The following DLG2 variants were observed in gnomAD, a reference collection of about 807,000 sequenced individuals.
The protein encoded by DLG2 is disks large homolog 2.
In DLG2, 45 loss-of-function variants were observed where a neutral mutation model predicts 132.5. The ratio of observed to expected loss-of-function variants is 0.34; its 90% confidence interval spans 0.27 to 0.44. The LOEUF (loss-of-function observed/expected upper bound fraction) is 0.44, where lower values mean the gene tolerates loss of function less well. Among genes scored for constraint, DLG2 ranks in the 20% least tolerant of loss-of-function variants. The pLI is 1.00. For missense variants in DLG2, 1,045 were observed against 1,196.9 expected (o/e 0.87, Z 1.87); for synonymous variants, 424 against 419.6 (o/e 1.01, Z -0.13).
intron 6 of DLG2, among the ~76,000 whole-genome samples, chr11:84,806,152 A>T (rs116066237): frequency 6.6e-6 from 1 of 152,188 alleles, no homozygotes; most frequent in African/African-American, 2.4e-5. Flanking sequence ...ATATTGACCT[A>T]AAAAATCACA....
At chr11:83,549,750 G>A (rs1485205001) in intron 19 of DLG2, among the ~76,000 whole-genome samples, 6 of 152,208 alleles carry the variant, frequency 3.9e-5, no homozygotes, top group East Asian at 3.9e-4. Context: ...TCGTCCACTC[G>A]TGCATTTAGT....
At chr11:85,167,574 A>G (rs551535338) in intron 4 of DLG2, among the ~76,000 whole-genome samples, 130 of 152,260 alleles carry the variant, frequency 8.5e-4, no homozygotes, top group African/African-American at 3.1e-3. Flanking sequence ...GACACAAAGA[A>G]GACAAGAAGA....
chr11:84,308,358 C>T (rs576028498), intron 7 of DLG2, among the ~76,000 whole-genome samples: 2 of 152,300 alleles, frequency 1.3e-5, no homozygotes, highest in African/African-American at 4.8e-5. Context: ...CTGAGCTAGA[C>T]ACAGGGTGCT....
intron 11 of DLG2, among the ~76,000 whole-genome samples, chr11:84,001,742 T>C (rs2094357454): frequency 6.6e-6 from 1 of 152,150 alleles, no homozygotes; most frequent in Non-Finnish European, 1.5e-5. Context: ...ATTGAGTATA[T>C]TCTCAGATCA....
In DLG2 at chr11:85,424,608, T is replaced by C. The variant is rs555558403; in HGVS notation, c.41-139243A>G. Among the ~76,000 whole-genome samples, 3 of 152,300 alleles carry C rather than the reference T, an allele frequency of 2.0e-5. No homozygotes were observed. In the South Asian group the frequency reaches 6.2e-4, roughly 32 times the overall value. Reference sequence around the variant, plus strand: ...GCTGAAAGTATCCAACTGAAGTAGATCCCAGGGGTTAGGCATTACTATTCT... The same window carrying C: ...GCTGAAAGTATCCAACTGAAGTAGACCCCAGGGGTTAGGCATTACTATTCT... On this transcript the variant is annotated intron_variant, in intron 3 of 27. Coordinates refer to ENST00000376104, the MANE Select transcript of DLG2 (RefSeq NM_001142699.3).
chr11:84,009,254 C>T (rs1016461000), intron 11 of DLG2, among the ~76,000 whole-genome samples: 4 of 151,944 alleles, frequency 2.6e-5, no homozygotes, highest in African/African-American at 7.2e-5. Context: ...ATCCCTCTCA[C>T]ATTTGCCATG....
chr11:84,732,473 T>C (rs1019358439), intron 6 of DLG2, among the ~76,000 whole-genome samples: 2 of 152,048 alleles, frequency 1.3e-5, no homozygotes, highest in African/African-American at 4.8e-5. Flanking sequence ...AGATGTGTAA[T>C]AGTACCTCAT....
chr11:84,624,281 A>C (rs1297086049), intron 6 of DLG2, among the ~76,000 whole-genome samples: 1 of 152,174 alleles, frequency 6.6e-6, no homozygotes, highest in Non-Finnish European at 1.5e-5. Flanking sequence ...CATTAGTACC[A>C]TCATAATACC....
chr11:84,479,674 T>C (rs7109055), intron 7 of DLG2, among the ~76,000 whole-genome samples: 11,290 of 152,110 alleles, frequency 0.074, 1,421 homozygotes, highest in African/African-American at 0.26. Context: ...AAAGGAACAG[T>C]AGGAACATAT....
In DLG2 at chr11:84,015,074, T is replaced by A. The variant is rs143679917; in HGVS notation, c.920-34432A>T. ...TTTACTTTTGTAGAATAGCATTCAT[T>A]ATTGGATTTTGTACATTTAATCATT... On this transcript the variant is annotated intron_variant, in intron 11 of 27. Transcript: ENST00000376104. Among the ~76,000 whole-genome samples, 8 of 152,014 alleles carry A rather than the reference T, an allele frequency of 5.3e-5. No homozygotes were observed. In the East Asian group the frequency reaches 1.5e-3, roughly 29 times the overall value.
intron 25 of DLG2, among the ~76,000 whole-genome samples, chr11:83,468,253 T>C (rs2091487441): frequency 6.6e-6 from 1 of 152,160 alleles, no homozygotes; most frequent in African/African-American, 2.4e-5. Flanking sequence ...AGAAACCCAC[T>C]AAGATGGTTC....
chr11:84,332,508 C>CTTTTTT (rs34149557), intron 7 of DLG2, among the ~76,000 whole-genome samples: 14 of 78,306 alleles, frequency 1.8e-4, no homozygotes, highest in African/African-American at 4.6e-4. Flanking sequence ...CCGCGCCTGG[C>CTTTTTT]TTTTTTTTTT....
intron 7 of DLG2, among the ~76,000 whole-genome samples, chr11:84,307,603 G>A (rs1400578481): frequency 6.6e-6 from 1 of 151,398 alleles, no homozygotes; most frequent in Non-Finnish European, 1.5e-5. Context: ...CCCTGAGGCA[G>A]GAGAATGGCG....
intron 18 of DLG2, among the ~76,000 whole-genome samples, chr11:83,714,338 C>T (rs1362695285): frequency 6.6e-6 from 1 of 151,992 alleles, no homozygotes; most frequent in Non-Finnish European, 1.5e-5. Flanking sequence ...GGTGGGGAGA[C>T]ACTTAATTGA....
At chr11:84,669,875 T>C (rs2099703848) in intron 6 of DLG2, among the ~76,000 whole-genome samples, 1 of 152,120 alleles carries the variant, frequency 6.6e-6, no homozygotes, top group Non-Finnish European at 1.5e-5. Context: ...TCTGAAACCC[T>C]GGGAACTCGA....
chr11:84,983,502 G>C (rs1038868950), intron 6 of DLG2, among the ~76,000 whole-genome samples: 1 of 152,080 alleles, frequency 6.6e-6, no homozygotes, highest in Non-Finnish European at 1.5e-5. Flanking sequence ...CAGCAGCCTT[G>C]AGCCCTACAC....
chr11:84,921,360 A>G (rs2154083857), intron 6 of DLG2, among the ~76,000 whole-genome samples: 1 of 152,284 alleles, frequency 6.6e-6, no homozygotes, highest in South Asian at 2.1e-4. Context: ...ATATGGTCTC[A>G]ATTTCTATCA....
chr11:83,832,547 G>A (rs970478935), intron 17 of DLG2, among the ~76,000 whole-genome samples: 4 of 152,056 alleles, frequency 2.6e-5, no homozygotes, highest in African/African-American at 9.7e-5. Flanking sequence ...AAGTGGGAGC[G>A]AAATACTGGA....
At chr11:85,222,901 T>C (rs2074743369) in intron 4 of DLG2, among the ~76,000 whole-genome samples, 2 of 152,142 alleles carry the variant, frequency 1.3e-5, no homozygotes, top group African/African-American at 4.8e-5. Context: ...AGACACTACC[T>C]TTATCACTTC....
Sources: allele counts gnomAD v4.1 joint callset (sites outside exome capture counted in the v4.1 genomes callset), GRCh38; gene constraint gnomAD v4.1.1; transcripts MANE v1.5; gene names NCBI Gene and HGNC (gene_info 2026-07-23, HGNC 2026-07-21).